Variants in OXCT1 observed in about 807,000 individuals in gnomAD.
OXCT1 encodes the protein succinyl-CoA:3-ketoacid coenzyme A transferase 1, mitochondrial.
A neutral mutation model predicts 69.6 loss-of-function variants in OXCT1; 27 were observed. The observed-to-expected ratio is 0.39, with a 90% confidence interval of 0.29 to 0.54. The LOEUF (loss-of-function observed/expected upper bound fraction) is 0.54, where lower values mean the gene tolerates loss of function less well. Among genes scored for constraint, OXCT1 ranks in the 20% least tolerant of loss-of-function variants. The probability of loss-of-function intolerance (pLI) is 0.72; values close to 1 mark genes in which losing one functional copy is unlikely to be tolerated. For synonymous variants in OXCT1, 202 were observed against 217.8 expected, an observed-to-expected ratio of 0.93 and a Z score of 0.64; for missense variants, 437 against 650.2, an observed-to-expected ratio of 0.67 and a Z score of 3.57.
intron 7 of OXCT1, among the ~76,000 whole-genome samples, chr5:41,834,500 A>AAAC (rs1554016977): frequency 2.7e-5 from 4 of 147,732 alleles, no homozygotes; most frequent in African/African-American, 7.5e-5. Flanking sequence ...AAAAAAAAAA[A>AAAC]AAAACAAAAC....
In OXCT1 at chr5:41,852,756, A is replaced by G. The variant is rs1019160079; in HGVS notation, c.414+663T>C. The stretch of plus-strand genomic sequence containing the variant: ...TGAAGTGTCTCAGCAAGACCAGATC[A>G]CCCATAAATTTCTAGTTCTAAAATT... On this transcript the variant is annotated intron_variant, in intron 4 of 16. Transcript: ENST00000196371. 2.9e-4 allele frequency among the ~76,000 whole-genome samples: 44 copies of G among 152,190 alleles called. 1 individual carries two copies. Among genetic ancestry groups the G allele is most frequent in the Admixed American group, 2.9e-3 (44 of 15,274 alleles).
chr5:41,791,238 A>T (rs924254260), intron 13 of OXCT1, among the ~76,000 whole-genome samples: 9 of 152,230 alleles, frequency 5.9e-5, no homozygotes, highest in Non-Finnish European at 1.0e-4. Flanking sequence ...AACAAAAAAA[A>T]TGCTAATCAG....
At chr5:41,763,713 C>T (rs1030913216) in intron 13 of OXCT1, among the ~76,000 whole-genome samples, 2 of 152,000 alleles carry the variant, frequency 1.3e-5, no homozygotes, top group South Asian at 4.1e-4. Context: ...AGGGGGCGAG[C>T]GCTGGAAGAA....
At chr5:41,837,712 C>T (rs1454734424) in intron 7 of OXCT1, among the ~76,000 whole-genome samples, 2 of 151,424 alleles carry the variant, frequency 1.3e-5, no homozygotes, top group East Asian at 3.9e-4. Context: ...CAATATCTTC[C>T]AAGAGTTTAA....
intron 16 of OXCT1, 126 bp from the exon 17 acceptor site, chr5:41,731,896 T>A: frequency 8.6e-7 from 1 of 1,160,066 alleles, no homozygotes; most frequent in Non-Finnish European, 1.3e-6. Context: ...CCCTGGAGTT[T>A]CCATATGATT....
At chr5:41,755,251 T>G (rs1251948915) in intron 14 of OXCT1, among the ~76,000 whole-genome samples, 1 of 152,050 alleles carries the variant, frequency 6.6e-6, no homozygotes, top group Non-Finnish European at 1.5e-5. Context: ...TTTTACTAGT[T>G]GTTGGACTGT....
intron 15 of OXCT1, among the ~76,000 whole-genome samples, chr5:41,746,586 T>C (rs1486048474): frequency 6.6e-6 from 1 of 152,088 alleles, no homozygotes; most frequent in African/African-American, 2.4e-5. Flanking sequence ...GATGCTCTTC[T>C]CTTTACTCAT....
chr5:41,772,759 C>G (rs1301679162), intron 13 of OXCT1, among the ~76,000 whole-genome samples: 1 of 152,156 alleles, frequency 6.6e-6, no homozygotes, highest in African/African-American at 2.4e-5. Flanking sequence ...CCTGTGCAAG[C>G]CTTACTCTGT....
chr5:41,853,162 AT>A (rs1429322609), intron 4 of OXCT1, among the ~76,000 whole-genome samples: 1 of 152,222 alleles, frequency 6.6e-6, no homozygotes, highest in Non-Finnish European at 1.5e-5. Context: ...TTCTGGCACA[AT>A]ACACATTACA....
chr5:41,861,688 A>G (rs949152387), intron 2 of OXCT1, among the ~76,000 whole-genome samples: 1 of 152,170 alleles, frequency 6.6e-6, no homozygotes, highest in East Asian at 1.9e-4. Flanking sequence ...GCACTTAACT[A>G]TATATCTATT....
At chr5:41,804,162 GGTTTACCTCTA>G in intron 9 of OXCT1, among the ~76,000 whole-genome samples, 1 of 152,094 alleles carries the variant, frequency 6.6e-6, no homozygotes, top group East Asian at 1.9e-4. Flanking sequence ...ATAGCTACTG[GGTTTACCTCTA>G]GTGTTCTATC....
chr5:41,855,924 G>A (rs910923907), intron 3 of OXCT1, among the ~76,000 whole-genome samples: 1 of 152,122 alleles, frequency 6.6e-6, no homozygotes, highest in Non-Finnish European at 1.5e-5. Context: ...TGTGTGGGGT[G>A]GAGGTGTAGA....
intron 16 of OXCT1, among the ~76,000 whole-genome samples, chr5:41,737,364 AT>A (rs1742936144): frequency 6.6e-6 from 1 of 152,124 alleles, no homozygotes; most frequent in Non-Finnish European, 1.5e-5. Flanking sequence ...AAAAACTCAT[AT>A]TTTCATTCCT....
chr5:41,733,608 T>C (rs992135523), intron 16 of OXCT1, among the ~76,000 whole-genome samples: 2 of 152,184 alleles, frequency 1.3e-5, no homozygotes, highest in Non-Finnish European at 2.9e-5. Context: ...GCACTTCCTT[T>C]AAAAAGAAAC....
rs777989204 is a variant in OXCT1 at position 41,794,009 on chromosome 5, C to T, written c.1242G>A (p.Met414Ile). 15 of 1,597,998 alleles carry T rather than the reference C, an allele frequency of 9.4e-6. No individual in the cohort carries two copies. In the South Asian group the frequency reaches 1.4e-4, roughly 15 times the overall value. The part of the protein sequence containing the change: ...VSKYGDLANW[M>I]IPGKMVKGMG... ...ATAAAAAATGTCTACTTACAGGTAT[C>T]ATCCAGTTAGCCAGGTCACCATATT... Residue 414 changes from methionine (M) to isoleucine (I), a missense_variant, in exon 13 of 17, where the codon ATG becomes ATA. Physicochemically the swap from Met to Ile is conservative, Grantham distance 10. Transcript: ENST00000196371.
intron 7 of OXCT1, among the ~76,000 whole-genome samples, chr5:41,825,699 G>A (rs923603838): frequency 1.3e-5 from 2 of 152,004 alleles, no homozygotes; most frequent in Non-Finnish European, 2.9e-5. Flanking sequence ...GAAGTCATAT[G>A]GCTCTTGCCT....
At chr5:41,843,815 CTACTT>C (rs1476037423) in intron 5 of OXCT1, among the ~76,000 whole-genome samples, 1 of 152,130 alleles carries the variant, frequency 6.6e-6, no homozygotes, top group African/African-American at 2.4e-5. Flanking sequence ...TAAATAAAGG[CTACTT>C]TAAAGACATT....
chr5:41,739,834 G>A (rs113601963), intron 15 of OXCT1: 7,699 of 274,446 alleles, frequency 0.028, 152 homozygotes, highest in Middle Eastern at 0.061. Context: ...TCACGCCACT[G>A]CACTCCAGCC....
At chr5:41,761,980 A>C (rs1437733871) in intron 14 of OXCT1, 131 bp downstream of exon 14, 2 of 741,106 alleles carry the variant, frequency 2.7e-6, no homozygotes, top group East Asian at 5.0e-5. Context: ...TTTCTCTCTC[A>C]AATGTAAATG....
Sources: gnomAD v4.1 joint callset for allele counts (sites outside exome capture counted in the v4.1 genomes callset) on GRCh38, gnomAD v4.1.1 for gene constraint, MANE v1.5 for transcripts, NCBI Gene and HGNC (gene_info 2026-07-23, HGNC 2026-07-21) for gene names.